CFAP70: variants seen among roughly 807,000 people sequenced by gnomAD.
CFAP70 encodes cilia- and flagella-associated protein 70.
Under a neutral mutation model 137.6 loss-of-function variants are expected in CFAP70, and 81 were observed. The ratio of observed to expected loss-of-function variants is 0.59; its 90% CI spans 0.49 to 0.71. The LOEUF (loss-of-function observed/expected upper bound fraction) is 0.71. Among genes scored for constraint, CFAP70 ranks in the 30% least tolerant of loss-of-function variants. The pLI is 0.00. For missense variants in CFAP70, 976 were observed against 1,226.7 expected (o/e 0.80, Z 3.05); for synonymous variants, 382 against 423.6 (o/e 0.90, Z 1.20).
chr10:73,273,390 C>A (rs2046456015), intron 23 of CFAP70, among the ~76,000 whole-genome samples: 1 of 152,228 alleles, frequency 6.6e-6, no homozygotes, highest in South Asian at 2.1e-4. Context: ...GACAAACATA[C>A]AATCTCTGGA....
At chr10:73,302,459 A>C (rs1440783735) in intron 12 of CFAP70, among the ~76,000 whole-genome samples, 1 of 152,228 alleles carries the variant, frequency 6.6e-6, no homozygotes, top group Non-Finnish European at 1.5e-5. Context: ...AACAATATTT[A>C]TCTGAAGACA....
intron 8 of CFAP70, among the ~76,000 whole-genome samples, chr10:73,325,747 T>C (rs1212370122): frequency 6.6e-6 from 1 of 152,010 alleles, no homozygotes; most frequent in Non-Finnish European, 1.5e-5. Flanking sequence ...AGAAGGCCAT[T>C]ACATAATGGT....
intron 10 of CFAP70, 68 bp downstream of exon 11, chr10:73,312,405 G>C: frequency 1.7e-6 from 2 of 1,171,768 alleles, no homozygotes; most frequent in East Asian, 2.5e-5. Flanking sequence ...CAGTCACCAA[G>C]TGAGAAATCA....
At chr10:73,337,017 T>C (rs994523261) in intron 6 of CFAP70, among the ~76,000 whole-genome samples, 4 of 152,146 alleles carry the variant, frequency 2.6e-5, no homozygotes, top group Non-Finnish European at 5.9e-5. Context: ...TTATATAATG[T>C]GGAAAAATCT....
At chr10:73,341,508 T>C in exon 6 of CFAP70, 1 of 1,614,188 alleles carries the variant, frequency 6.2e-7, no homozygotes, top group Non-Finnish European at 8.5e-7. Flanking sequence ...TGGCCACTTT[T>C]TGGGCCGGGG....
upstream of CFAP70, among the ~76,000 whole-genome samples, chr10:73,362,572 G>C (rs1203585490): frequency 6.6e-6 from 1 of 152,052 alleles, no homozygotes; most frequent in Non-Finnish European, 1.5e-5. Context: ...TTCTTTTTCA[G>C]ATAGTTCACT....
chr10:73,309,658 A>ATTT (rs60294953), intron 12 of CFAP70, among the ~76,000 whole-genome samples: 11 of 136,452 alleles, frequency 8.1e-5, no homozygotes, highest in Admixed American at 7.4e-4. Context: ...TTTCCTAAGA[A>ATTT]TTTTTTTTTT....
At chr10:73,349,979 A>G (rs990295387) in intron 3 of CFAP70, among the ~76,000 whole-genome samples, 1 of 152,234 alleles carries the variant, frequency 6.6e-6, no homozygotes, top group African/African-American at 2.4e-5. Flanking sequence ...AGTGTGTGAT[A>G]ATAGCATTAA....
exon 11 of CFAP70, chr10:73,311,897 T>C: frequency 6.2e-7 from 1 of 1,613,814 alleles, no homozygotes; most frequent in Non-Finnish European, 8.5e-7. Context: ...AGCTCTGAGA[T>C]TTTATACTAG....
intron 20 of CFAP70, among the ~76,000 whole-genome samples, chr10:73,277,800 T>C (rs1015444709): frequency 5.9e-5 from 9 of 152,068 alleles, no homozygotes; most frequent in African/African-American, 1.7e-4. Flanking sequence ...TAGAAAGCAA[T>C]TGACTGCTCT....
chr10:73,314,315 T>C (rs2132120564), intron 9 of CFAP70, among the ~76,000 whole-genome samples: 1 of 152,326 alleles, frequency 6.6e-6, no homozygotes, highest in South Asian at 2.1e-4. Flanking sequence ...GTTTATCAAT[T>C]ATACCTCAAT....
intron 13 of CFAP70, among the ~76,000 whole-genome samples, 164 bp from the exon 15 acceptor site, chr10:73,299,265 T>C (rs554164015): frequency 6.6e-6 from 1 of 152,248 alleles, no homozygotes; most frequent in East Asian, 1.9e-4. Flanking sequence ...TGGAGTACAG[T>C]GGTATGATCA....
chr10:73,272,794 GAAC>G, intron 24 of CFAP70, 131 bp downstream of exon 25: 1 of 796,850 alleles, frequency 1.3e-6, no homozygotes, highest in South Asian at 1.5e-5. Context: ...CACCTTTGAA[GAAC>G]AACTTTTCAT....
At chr10:73,285,873 GATCCACCC>G (rs1176467976) in intron 19 of CFAP70, among the ~76,000 whole-genome samples, 1 of 151,974 alleles carries the variant, frequency 6.6e-6, no homozygotes, top group Admixed American at 6.6e-5. Flanking sequence ...GACCTCAGGT[GATCCACCC>G]ATCTCAGCCT....
chr10:73,356,356 G>A (rs1168668730), intron 1 of CFAP70, among the ~76,000 whole-genome samples: 1 of 151,756 alleles, frequency 6.6e-6, no homozygotes, highest in Non-Finnish European at 1.5e-5. Flanking sequence ...GCGCCACCAC[G>A]CCCAGCTAAT....
exon 25 of CFAP70, chr10:73,269,683 A>C (rs1428933179): frequency 6.2e-7 from 1 of 1,613,736 alleles, no homozygotes; most frequent in Middle Eastern, 1.6e-4. Context: ...TGGCTTCAGA[A>C]AGAGCATCCT....
At chr10:73,284,538 T>C (rs2131841007) in intron 19 of CFAP70, among the ~76,000 whole-genome samples, 1 of 151,686 alleles carries the variant, frequency 6.6e-6, no homozygotes, top group East Asian at 1.9e-4. Flanking sequence ...ATTTTAGTAT[T>C]TGTTTTCTAT....
In CFAP70 at chr10:73,273,078, G is replaced by A. The variant is rs2046435881; in HGVS notation, c.2836-61C>T. 1.1e-5 allele frequency: 14 copies of A among 1,265,302 alleles called. No individual in the cohort carries two copies. The South Asian group carries it at 1.8e-4, about 16-fold the overall frequency. The allele number at this position is 1,265,302 out of a possible 1,614,324, so 78.4% of individuals were successfully genotyped here. ...GAAGCTTCAAACCCCATATTGCTGG[G>A]ATGATCATGGGATCTCTGATAATTG... is the stretch of plus-strand genomic sequence containing the variant. On this transcript the variant is annotated intron_variant, in intron 23 of 26. Transcript: ENST00000310715.
intron 5 of CFAP70, among the ~76,000 whole-genome samples, chr10:73,342,034 A>G (rs546020317): frequency 1.3e-5 from 2 of 152,366 alleles, no homozygotes; most frequent in Non-Finnish European, 2.9e-5. Flanking sequence ...ATACCTGTTT[A>G]AAAATTATCC....
Sources: gnomAD v4.1 joint callset for allele counts (sites outside exome capture counted in the v4.1 genomes callset) on GRCh38, gnomAD v4.1.1 for gene constraint, MANE v1.5 for transcripts, NCBI Gene and HGNC (gene_info 2026-07-23, HGNC 2026-07-21) for gene names.